The following SGO2 variants were observed in gnomAD, a reference collection of about 807,000 sequenced individuals.
The protein encoded by SGO2 is shugoshin-like 2.
Under a neutral mutation model 99.5 loss-of-function variants are expected in SGO2, and 68 were observed. The ratio of observed to expected loss-of-function variants is 0.68; its 90% confidence interval spans 0.56 to 0.84. SGO2 has a LOEUF of 0.84. Ranked by LOEUF, SGO2 falls within the 40% of genes least tolerant of loss-of-function variation. The pLI is 0.00. For synonymous variants in SGO2, 457 were observed against 487.1 expected (o/e 0.94, Z 0.81); for missense variants, 1,350 against 1,436.7 (o/e 0.94, Z 0.97).
At chr2:200,562,370 T>A (rs1266515719) in intron 5 of SGO2, among the ~76,000 whole-genome samples, 2 of 152,204 alleles carry the variant, frequency 1.3e-5, no homozygotes, top group African/African-American at 2.4e-5. Flanking sequence ...TGGTTGTAGA[T>A]GTGTGGTATT....
Position 200,570,903 on chromosome 2 carries a change from A to G in SGO2, c.704-147A>G, listed in dbSNP as rs934398293. Reference sequence around the variant, plus strand: ...ATTTCTAACTTATTTTCTTATAAGCATAGATTCTTAGTAATATTAGGATCT... The same window carrying G: ...ATTTCTAACTTATTTTCTTATAAGCGTAGATTCTTAGTAATATTAGGATCT... On this transcript the variant is annotated intron_variant, in intron 6 of 8. Transcript: ENST00000357799. The surrounding 1 kb of genome is among the most constrained non-coding windows in gnomAD (Gnocchi z 4.4). 3 of 626,282 alleles carry G rather than the reference A, an allele frequency of 4.8e-6. No individual in the cohort carries two copies. Among genetic ancestry groups the G allele is most frequent in the Non-Finnish European group, 7.6e-6 (3 of 392,890 alleles). The allele number at this position is 626,282 out of a possible 1,614,324, so 38.8% of individuals were successfully genotyped here.
chr2:200,571,100 A>T lies in SGO2; in HGVS notation c.754A>T (p.Met252Leu). 1.9e-6 allele frequency: 3 copies of T among 1,612,038 alleles called. No individual in the cohort carries two copies. Among genetic ancestry groups the T allele is most frequent in the African/African-American group, 1.3e-5 (1 of 74,938 alleles). Reference sequence around the variant, plus strand: ...TTCTAAGACTTCTCTAATGAGTGAGATGAGAAACGCCCAGTCTATTGGCCG... The same window carrying T: ...TTCTAAGACTTCTCTAATGAGTGAGTTGAGAAACGCCCAGTCTATTGGCCG... Reference protein sequence around the residue: ...QSSKTSLMSEMRNAQSIGRRW... With the variant: ...QSSKTSLMSELRNAQSIGRRW... Residue 252 changes from methionine to leucine, a missense_variant, in exon 7 of 9, where the codon ATG (methionine) becomes TTG (leucine). By Grantham distance (15) the Met-to-Leu change is conservative. Transcript: ENST00000357799.
At chr2:200,576,936 A>G (rs2033686027) in intron 8 of SGO2, among the ~76,000 whole-genome samples, 1 of 151,372 alleles carries the variant, frequency 6.6e-6, no homozygotes, top group African/African-American at 2.4e-5. Context: ...TTGTTCATCC[A>G]TTTGTTCTTT....
chr2:200,554,414 A>C (rs1425474516), intron 5 of SGO2, among the ~76,000 whole-genome samples: 1 of 152,192 alleles, frequency 6.6e-6, no homozygotes, highest in Non-Finnish European at 1.5e-5. Context: ...CTAATGTCAC[A>C]ATCTCCAAAG....
intron 1 of SGO2, among the ~76,000 whole-genome samples, chr2:200,530,492 A>G (rs974717575): frequency 6.6e-6 from 1 of 152,208 alleles, no homozygotes; most frequent in African/African-American, 2.4e-5. Context: ...TTCAGGAAAG[A>G]GATCCAAACT....
chr2:200,537,104 T>G (rs2031729765), intron 4 of SGO2, among the ~76,000 whole-genome samples: 1 of 152,108 alleles, frequency 6.6e-6, no homozygotes, highest in Non-Finnish European at 1.5e-5. Flanking sequence ...TCATTCTCTT[T>G]TGGTGCTGCT....
Position 200,573,220 on chromosome 2 carries a change from C to A in SGO2, c.2874C>A (p.Ile958=). The A allele has an allele frequency of 6.3e-7, 1 of 1,579,024 alleles. No homozygotes were observed. The highest frequency in any genetic ancestry group is 1.2e-5 in the South Asian group (1 of 82,952). ...SKQKLECQDI[I]NKHYMEVNSN... ...AAAAACTTGAATGCCAAGACATTAT[C>A]AATAAACACTATATGGAAGTCAACA... The change falls in exon 7 of 9, where the codon ATC becomes ATA. Residue 958 remains isoleucine, a synonymous_variant. Transcript: ENST00000357799.
At chr2:200,530,180 A>G (rs2031307385) in intron 1 of SGO2, among the ~76,000 whole-genome samples, 1 of 152,206 alleles carries the variant, frequency 6.6e-6, no homozygotes, top group African/African-American at 2.4e-5. Context: ...CTGTAGGGAC[A>G]GCAGCAGTGG....
intron 5 of SGO2, among the ~76,000 whole-genome samples, chr2:200,547,685 G>A (rs943482008): frequency 6.6e-6 from 1 of 152,100 alleles, no homozygotes; most frequent in Non-Finnish European, 1.5e-5. Flanking sequence ...AATTGTCTCA[G>A]TTCTTCAGTT....
intron 2 of SGO2, chr2:200,533,519 A>G (rs56154435): frequency 0.21 from 30,434 of 144,034 alleles, 3,193 homozygotes; most frequent in Non-Finnish European, 0.23. Context: ...TATAATGTAT[A>G]TGTGTGTGTG....
At chr2:200,541,420 G>A (rs2031952127) in intron 4 of SGO2, among the ~76,000 whole-genome samples, 1 of 152,096 alleles carries the variant, frequency 6.6e-6, no homozygotes, top group African/African-American at 2.4e-5. Flanking sequence ...ACCCTGCCCT[G>A]TCTTGCCTTT....
At chr2:200,564,885 C>A (rs2033125192) in intron 5 of SGO2, among the ~76,000 whole-genome samples, 1 of 152,002 alleles carries the variant, frequency 6.6e-6, no homozygotes, top group African/African-American at 2.4e-5. Context: ...GATTGCAACC[C>A]CTGCCTTTTT....
chr2:200,562,875 A>T (rs925582853), intron 5 of SGO2, among the ~76,000 whole-genome samples: 5 of 152,164 alleles, frequency 3.3e-5, no homozygotes, highest in Non-Finnish European at 7.4e-5. Context: ...TTATTGGTGT[A>T]TAGGAATGCT....
At chr2:200,551,733 A>G (rs2032493210) in intron 5 of SGO2, among the ~76,000 whole-genome samples, 1 of 151,966 alleles carries the variant, frequency 6.6e-6, no homozygotes, top group South Asian at 2.1e-4. Flanking sequence ...ACCTTGTATC[A>G]TTTATTGAAG....
At chr2:200,565,274 C>T (rs1197193953) in intron 5 of SGO2, among the ~76,000 whole-genome samples, 1 of 152,152 alleles carries the variant, frequency 6.6e-6, no homozygotes, top group Admixed American at 6.5e-5. Context: ...CAAAATCGCT[C>T]AGTATTTGCT....
Sources: allele counts gnomAD v4.1 joint callset (sites outside exome capture counted in the v4.1 genomes callset), GRCh38; gene constraint gnomAD v4.1.1; non-coding constraint Gnocchi (gnomAD v3.1); transcripts MANE v1.5; gene names NCBI Gene and HGNC (gene_info 2026-07-23, HGNC 2026-07-21).